GATAD2B: variants seen among roughly 807,000 people sequenced by gnomAD.
GATAD2B encodes transcriptional repressor p66-beta.
Under a neutral mutation model 64.3 loss-of-function variants are expected in GATAD2B, and 8 were observed. The ratio of observed to expected loss-of-function variants is 0.12; its 90% CI spans 0.07 to 0.22. The LOEUF is 0.22. GATAD2B is among the 10% of genes least tolerant of loss of function. GATAD2B has a pLI of 1.00. For synonymous variants in GATAD2B, 281 were observed against 271.3 expected (o/e 1.04, Z -0.35); for missense variants, 453 against 752.0 (o/e 0.60, Z 4.65).
intron 1 of GATAD2B, among the ~76,000 whole-genome samples, chr1:153,908,459 G>A (rs1056775051): frequency 1.3e-5 from 2 of 151,988 alleles, no homozygotes; most frequent in African/African-American, 4.8e-5. Flanking sequence ...TTGAACCCAG[G>A]ACTTTTTGAC....
chr1:153,872,594 G>A (rs182842238), intron 1 of GATAD2B, among the ~76,000 whole-genome samples: 1 of 150,210 alleles, frequency 6.7e-6, no homozygotes, highest in African/African-American at 2.4e-5. Context: ...GAAGTGGACC[G>A]TCTCATGGTG....
intron 1 of GATAD2B, among the ~76,000 whole-genome samples, chr1:153,844,161 A>G (rs1675598448): frequency 6.6e-6 from 1 of 152,158 alleles, no homozygotes; most frequent in Non-Finnish European, 1.5e-5. Flanking sequence ...AATACTGAGG[A>G]TATCAGAGTG....
Position 153,816,519 on chromosome 1 carries a change from T to G in GATAD2B, c.970A>C (p.Ile324Leu). The change falls in exon 7 of 11, where the codon ATC (isoleucine) becomes CTC (leucine). Residue 324 changes from isoleucine to leucine, a missense_variant. Coordinates refer to ENST00000368655, the MANE Select transcript of GATAD2B (RefSeq NM_020699.4). The surrounding 1 kb of genome is among the most constrained non-coding windows in gnomAD (Gnocchi z 4.9). ...SAIYMNLASH[I>L]QPGTVNRVSS... ...ACTCTGTTCACCGTCCCTGGCTGGA[T>G]ATGAGAAGCAAGGTTCATATAGATG... 1 of 1,613,634 alleles carries G rather than the reference T, an allele frequency of 6.2e-7. No individual in the cohort carries two copies. The highest frequency in any genetic ancestry group is 8.5e-7 in the Non-Finnish European group (1 of 1,179,544).
rs1303458801 is a variant in GATAD2B at position 153,819,594 on chromosome 1, CTT to C, written c.465+10_465+11del. ...GCATAACAAGAAGAAAGAAATTTTT[CTT>C]TCTTTTTACCTTAAACATCTCTAAG... On this transcript the variant is annotated intron_variant, in intron 3 of 10. Transcript: ENST00000368655. 1 of 1,566,094 alleles carries C rather than the reference CTT, an allele frequency of 6.4e-7. No homozygotes were observed. Among genetic ancestry groups the C allele is most frequent in the Non-Finnish European group, 8.6e-7 (1 of 1,158,472 alleles).
intron 1 of GATAD2B, among the ~76,000 whole-genome samples, chr1:153,917,428 G>A (rs893573419): frequency 4.2e-5 from 6 of 142,664 alleles, no homozygotes; most frequent in African/African-American, 1.3e-4. Flanking sequence ...TGAGTCTCAC[G>A]CTATCACCCA....
At chr1:153,871,886 G>C (rs1676677418) in intron 1 of GATAD2B, among the ~76,000 whole-genome samples, 1 of 152,174 alleles carries the variant, frequency 6.6e-6, no homozygotes, top group African/African-American at 2.4e-5. Flanking sequence ...GTAGGTCAAG[G>C]CTGCAGTGAG....
intron 1 of GATAD2B, among the ~76,000 whole-genome samples, chr1:153,922,352 G>A (rs573982684): frequency 6.6e-6 from 1 of 150,586 alleles, no homozygotes; most frequent in African/African-American, 2.4e-5. Flanking sequence ...CATGAGGCAG[G>A]GAGTGAAAGC....
intron 1 of GATAD2B, among the ~76,000 whole-genome samples, chr1:153,863,438 G>C (rs1676378860): frequency 6.6e-6 from 1 of 150,820 alleles, no homozygotes; most frequent in South Asian, 2.1e-4. Flanking sequence ...GGAGGTTGCA[G>C]TGAGCCAAGA....
At chr1:153,869,624 T>C (rs1676596132) in intron 1 of GATAD2B, among the ~76,000 whole-genome samples, 3 of 152,156 alleles carry the variant, frequency 2.0e-5, no homozygotes, top group African/African-American at 7.2e-5. Context: ...GCCCTAGCCA[T>C]GTCTCCAAGC....
At chr1:153,814,053 A>C (rs1570924641) in intron 7 of GATAD2B, among the ~76,000 whole-genome samples, 1 of 152,260 alleles carries the variant, frequency 6.6e-6, no homozygotes. Context: ...ACTGTATCAC[A>C]CTGAGAAGAA....
intron 1 of GATAD2B, among the ~76,000 whole-genome samples, chr1:153,901,119 C>A (rs939928590): frequency 6.6e-6 from 1 of 151,462 alleles, no homozygotes; most frequent in African/African-American, 2.4e-5. Context: ...GAGGCTGAGG[C>A]AGAAGAATCC....
At chr1:153,912,083 C>T (rs1192308854) in intron 1 of GATAD2B, among the ~76,000 whole-genome samples, 2 of 152,124 alleles carry the variant, frequency 1.3e-5, no homozygotes, top group Non-Finnish European at 2.9e-5. Context: ...TTATACTCTT[C>T]GGTGATATCT....
intron 1 of GATAD2B, among the ~76,000 whole-genome samples, chr1:153,845,132 G>A (rs1262450303): frequency 6.6e-6 from 1 of 152,164 alleles, no homozygotes; most frequent in Non-Finnish European, 1.5e-5. Flanking sequence ...AACTTCTAGA[G>A]ATGAAAACCA....
intron 1 of GATAD2B, among the ~76,000 whole-genome samples, chr1:153,860,637 T>A (rs944021831): frequency 2.0e-5 from 3 of 151,792 alleles, no homozygotes; most frequent in African/African-American, 4.8e-5. Context: ...CACTGGTAGT[T>A]AAAATTCATT....
chr1:153,908,782 G>GA (rs1553199454), intron 1 of GATAD2B, among the ~76,000 whole-genome samples: 11 of 31,854 alleles, frequency 3.5e-4, no homozygotes, highest in African/African-American at 1.3e-3. Context: ...AACATACTTG[G>GA]AAAAAAAAAA....
At chr1:153,836,078 T>C (rs1404548375) in intron 1 of GATAD2B, among the ~76,000 whole-genome samples, 3 of 151,912 alleles carry the variant, frequency 2.0e-5, no homozygotes, top group Admixed American at 6.6e-5. Context: ...ACTTGCTTTA[T>C]TGCAATATTT....
At chr1:153,907,857 T>G (rs1250262371) in intron 1 of GATAD2B, among the ~76,000 whole-genome samples, 2 of 152,124 alleles carry the variant, frequency 1.3e-5, no homozygotes, top group South Asian at 2.1e-4. Context: ...CAGGCTGGAG[T>G]GCAGTGGCAT....
intron 10 of GATAD2B, among the ~76,000 whole-genome samples, chr1:153,811,108 T>C (rs1674278204): frequency 6.6e-6 from 1 of 152,000 alleles, no homozygotes; most frequent in Non-Finnish European, 1.5e-5. Context: ...ACCATGTTGG[T>C]CAGCCTGGTC....
chr1:153,865,799 A>T (rs1288223282), intron 1 of GATAD2B, among the ~76,000 whole-genome samples: 1 of 152,226 alleles, frequency 6.6e-6, no homozygotes, highest in Admixed American at 6.5e-5. Flanking sequence ...AGAGGTGGAC[A>T]TGACAGGGAA....
Sources: gnomAD v4.1 joint callset for allele counts (sites outside exome capture counted in the v4.1 genomes callset) on GRCh38, gnomAD v4.1.1 for gene constraint, Gnocchi (gnomAD v3.1) non-coding constraint, MANE v1.5 for transcripts, NCBI Gene and HGNC (gene_info 2026-07-23, HGNC 2026-07-21) for gene names.